Variants in BCLAF1 observed in about 807,000 individuals in gnomAD.
BCLAF1 encodes BCL2 associated transcription factor 1.
Under a neutral mutation model 99.5 loss-of-function variants are expected in BCLAF1, and 10 were observed. That is an observed-to-expected ratio of 0.10 (90% confidence interval 0.06 to 0.17). The LOEUF (loss-of-function observed/expected upper bound fraction) is 0.17. Ranked by LOEUF, BCLAF1 falls within the 10% of genes least tolerant of loss-of-function variation. The pLI is 1.00. For missense variants in BCLAF1, 636 were observed against 1,105.8 expected (o/e 0.58, Z 6.02); for synonymous variants, 255 against 370.9 (o/e 0.69, Z 3.59).
rs754636691 is a variant in BCLAF1 at position 136,272,039 on chromosome 6, G to A, written c.1999C>T (p.Arg667Cys). Residue 667 changes from arginine (R) to cysteine (C), a missense_variant, in exon 8 of 13, where the codon CGT (arginine) becomes TGT (cysteine). Around this residue, in one of 9 missense-constraint regions of BCLAF1, gnomAD observed 180 missense variants for 270.0 expected, o/e 0.67. Coordinates refer to ENST00000531224, the MANE Select transcript of BCLAF1 (RefSeq NM_014739.3). Reference protein sequence around the residue: ...ISPSTLRKHTRLAGEERVFKE... With the variant: ...ISPSTLRKHTCLAGEERVFKE... ...AAAACTCTCTCTTCCCCTGCTAAACGGGTATGCTTCCTCAGGGTACTTGGT... is the reference window on the plus strand; with the variant it reads ...AAAACTCTCTCTTCCCCTGCTAAACAGGTATGCTTCCTCAGGGTACTTGGT... The A allele has an allele frequency of 5.6e-6, 9 of 1,605,034 alleles. No homozygotes were observed. Among genetic ancestry groups the A allele is most frequent in the Admixed American group, 3.4e-5 (2 of 59,214 alleles).
chr6:136,261,333 T>C lies in BCLAF1; in HGVS notation c.2689A>G (p.Ile897Val), dbSNP rs767669093. The C allele has an allele frequency of 1.9e-6, 3 of 1,613,914 alleles. No individual in the cohort carries two copies. The highest frequency in any genetic ancestry group is 2.2e-5 in the South Asian group (2 of 91,080). ...ATGGTCTCTTCTTCATCTTCAACAA[T>C]CCCATCCCCTTGGTATTTGTCATGA... ...WTHDKYQGDG[I>V]VEDEEETMEN... The change falls in exon 12 of 13, where the codon ATT becomes GTT. Residue 897 changes from isoleucine to valine, a missense_variant. Ile to Val is a conservative substitution (Grantham distance 29). Coordinates refer to ENST00000531224, the MANE Select transcript of BCLAF1 (RefSeq NM_014739.3).
At chr6:136,269,093 A>AT in intron 9 of BCLAF1, 1 of 1,142,970 alleles carries the variant, frequency 8.7e-7, no homozygotes, top group Non-Finnish European at 1.1e-6. Flanking sequence ...TCTGGGTGTT[A>AT]TGAGTTGAAA....
In BCLAF1 at chr6:136,256,699, A is replaced by ATAAG; in HGVS notation, c.*4410_*4411insCTTA. 1 of 163,704 alleles carries ATAAG rather than the reference A, an allele frequency of 6.1e-6. No homozygotes were observed. Among genetic ancestry groups the ATAAG allele is most frequent in the Non-Finnish European group, 1.3e-5 (1 of 78,096 alleles). 10.1% of individuals were successfully genotyped at this position (163,704 alleles called of 1,614,324 possible). ...AATAAATAAATAAATAAATAAATAA[A>ATAAG]TAAATAAATAATTCAAAGTGCATTT... On this transcript the variant is annotated 3_prime_UTR_variant, in exon 13 of 13. Transcript: ENST00000531224.
Sources: allele counts gnomAD v4.1 joint callset, GRCh38; gene constraint gnomAD v4.1.1; regional missense constraint gnomAD v4.1.1; transcripts MANE v1.5; gene names NCBI Gene and HGNC (gene_info 2026-07-23, HGNC 2026-07-21).